The following DDX60L variants were observed in gnomAD, a reference collection of about 807,000 sequenced individuals.
DDX60L encodes the protein DExD/H-box 60 like.
DDX60L carries 191 observed loss-of-function variants against 211.6 expected under a neutral mutation model. That is an observed-to-expected ratio of 0.90 (90% CI 0.80 to 1.02). DDX60L has a LOEUF of 1.02. DDX60L is among the 50% of genes least tolerant of loss of function. The pLI is 0.00. For synonymous variants in DDX60L, 706 were observed against 694.1 expected (o/e 1.02, Z -0.27); for missense variants, 2,007 against 1,984.1 (o/e 1.01, Z -0.22).
intron 30 of DDX60L, among the ~76,000 whole-genome samples, chr4:168,382,967 C>T (rs1339138693): frequency 6.6e-6 from 1 of 152,196 alleles, no homozygotes; most frequent in Non-Finnish European, 1.5e-5. Flanking sequence ...AAGTCCTTGA[C>T]TTGCATTAAC....
Position 168,432,495 on chromosome 4 carries a change from G to A in DDX60L, c.1476C>T (p.Leu492=). Residue 492 remains leucine, a synonymous_variant, in exon 12 of 38, where the codon CTC becomes CTT. Transcript: ENST00000682922. ...DELLHWHAQR[L]LSDDYDRIKC... Reference sequence around the variant, plus strand: ...TGATCCTGTCATAGTCGTCACTAAGGAGTCTTTGAGCATGCCAGTGCAAAA... The same window carrying A: ...TGATCCTGTCATAGTCGTCACTAAGAAGTCTTTGAGCATGCCAGTGCAAAA... 6.3e-7 allele frequency: 1 copy of A among 1,582,000 alleles called. No homozygotes were observed. Among genetic ancestry groups the A allele is most frequent in the Non-Finnish European group, 8.6e-7 (1 of 1,161,714 alleles).
chr4:168,472,864 C>G (rs1758988352), intron 1 of DDX60L, 55 bp from the exon 2 acceptor site: 8 of 689,048 alleles, frequency 1.2e-5, no homozygotes, highest in Non-Finnish European at 1.9e-5. Flanking sequence ...AGAAATGGAC[C>G]CAAAAAATAT....
At chr4:168,394,019 C>T (rs1006966040) in intron 28 of DDX60L, among the ~76,000 whole-genome samples, 1 of 152,068 alleles carries the variant, frequency 6.6e-6, no homozygotes, top group South Asian at 2.1e-4. Context: ...ATGGTGAAAC[C>T]CTGTCTGTAA....
rs115979701 is a variant in DDX60L at position 168,406,364 on chromosome 4, T to A, written c.3084+238A>T. ...GTCCAAAAACACAATTAAAGTAGTA[T>A]GGTATCCCAAAAGCTAAAAGAAGAC... On this transcript the variant is annotated intron_variant, in intron 23 of 37. Coordinates refer to ENST00000682922, the MANE Select transcript of DDX60L (RefSeq NM_001012967.3). Among the ~76,000 whole-genome samples the A allele has an allele frequency of 8.4e-3, 1,272 of 152,290 alleles. 9 individuals carry two copies. The highest frequency in any genetic ancestry group is 0.013 in the Non-Finnish European group (899 of 68,028).
intron 35 of DDX60L, among the ~76,000 whole-genome samples, chr4:168,372,213 A>C (rs1175902148): frequency 1.3e-5 from 2 of 152,140 alleles, no homozygotes; most frequent in African/African-American, 2.4e-5. Context: ...GGGAGAATAA[A>C]ATGAAACAGC....
At chr4:168,430,426 G>A (rs1159255087) in intron 13 of DDX60L, 52 bp downstream of exon 13, 3 of 1,481,954 alleles carry the variant, frequency 2.0e-6, no homozygotes, top group Non-Finnish European at 2.7e-6. Flanking sequence ...TGAGCCTAAA[G>A]AAAACAAAAC....
At chr4:168,384,848 A>G in intron 29 of DDX60L, 36 bp from the exon 30 acceptor site, 1 of 1,571,826 alleles carries the variant, frequency 6.4e-7, no homozygotes, top group Non-Finnish European at 8.7e-7. Context: ...TAAAACCTCC[A>G]CAGATAATTA....
intron 16 of DDX60L, among the ~76,000 whole-genome samples, chr4:168,422,186 A>G (rs1459528099): frequency 6.6e-6 from 1 of 152,222 alleles, no homozygotes; most frequent in Non-Finnish European, 1.5e-5. Context: ...ACTGAGTAAA[A>G]CATATTTTTC....
chr4:168,420,965 T>C (rs181812080), intron 17 of DDX60L, among the ~76,000 whole-genome samples: 3 of 152,314 alleles, frequency 2.0e-5, no homozygotes, highest in African/African-American at 4.8e-5. Context: ...ACTATAATTA[T>C]ATAAAAAGAT....
intron 29 of DDX60L, chr4:168,390,494 C>A: frequency 7.2e-7 from 1 of 1,392,466 alleles, no homozygotes; most frequent in African/African-American, 1.5e-5. Flanking sequence ...TGTAAAATCA[C>A]AGTCTTCATA....
At chr4:168,433,390 T>C (rs1456837057) in intron 10 of DDX60L, among the ~76,000 whole-genome samples, 3 of 152,158 alleles carry the variant, frequency 2.0e-5, no homozygotes, top group Admixed American at 1.3e-4. Context: ...CAAGTACTTA[T>C]TCTTTTTTAT....
chr4:168,386,111 C>T (rs1385834299), intron 29 of DDX60L, among the ~76,000 whole-genome samples: 2 of 152,038 alleles, frequency 1.3e-5, no homozygotes, highest in East Asian at 1.9e-4. Context: ...ATGAAGGATT[C>T]AAACTTCTTC....
intron 5 of DDX60L, 30 bp from the exon 6 acceptor site, chr4:168,458,038 T>A (rs548243982): frequency 2.3e-6 from 3 of 1,300,976 alleles, no homozygotes; most frequent in South Asian, 1.5e-5. Context: ...ATATAAAATA[T>A]CTTAAATAAA....
Position 168,358,038 on chromosome 4 carries a change from T to C in DDX60L, c.*109A>G. 4 of 990,298 alleles carry C rather than the reference T, an allele frequency of 4.0e-6. No homozygotes were observed. The highest frequency in any genetic ancestry group is 1.5e-5 in the South Asian group (1 of 66,596). 61.3% of individuals were successfully genotyped at this position (990,298 alleles called of 1,614,324 possible). On this transcript the variant is annotated 3_prime_UTR_variant, in exon 38 of 38. Coordinates refer to ENST00000682922, the MANE Select transcript of DDX60L (RefSeq NM_001012967.3). ...GAGCTGATATCTGAGTTTAATTCTG[T>C]TTGACTCCAAGACAAACATTTTTTC... is the stretch of plus-strand genomic sequence containing the variant.
At chr4:168,400,198 A>T (rs992309194) in intron 26 of DDX60L, among the ~76,000 whole-genome samples, 2 of 152,142 alleles carry the variant, frequency 1.3e-5, no homozygotes, top group Non-Finnish European at 2.9e-5. Context: ...ACATAATCTC[A>T]TTCTTTTTTA....
Position 168,400,992 on chromosome 4 carries a change from A to G in DDX60L, c.3339-14T>C. 1 of 1,605,908 alleles carries G rather than the reference A, an allele frequency of 6.2e-7. No individual in the cohort carries two copies. ...TCATTCTTAAACCTTAAAACAAATG[A>G]AAACAGTGCTTTGAAAAGACTATGT... On this transcript the variant is annotated splice_polypyrimidine_tract_variant and intron_variant, in intron 25 of 37. Transcript: ENST00000682922.
chr4:168,363,335 A>G (rs1579155846), intron 36 of DDX60L, among the ~76,000 whole-genome samples: 1 of 152,214 alleles, frequency 6.6e-6, no homozygotes, highest in African/African-American at 2.4e-5. Context: ...AAATGAAAGA[A>G]TGATCATTAC....
Position 168,455,330 on chromosome 4 carries a change from G to C in DDX60L, c.837+709C>G, listed in dbSNP as rs78393635. Among the ~76,000 whole-genome samples, 476 of 149,984 alleles carry C rather than the reference G, an allele frequency of 3.2e-3. 2 individuals carry two copies. The highest frequency in any genetic ancestry group is 0.011 in the African/African-American group (455 of 40,456). On this transcript the variant is annotated intron_variant, in intron 7 of 37. Transcript: ENST00000682922. ...TATGCAAGCAGGGATGCATATAGTA[G>C]AGCGGAAAATCCATGTTCCTCAAAA...
At chr4:168,457,736 C>G (rs1027840392) in intron 6 of DDX60L, among the ~76,000 whole-genome samples, 156 bp downstream of exon 6, 1 of 152,144 alleles carries the variant, frequency 6.6e-6, no homozygotes, top group East Asian at 1.9e-4. Flanking sequence ...TCAAGGTACT[C>G]TGAGAGCATG....
Sources: gnomAD v4.1 joint callset for allele counts (sites outside exome capture counted in the v4.1 genomes callset) on GRCh38, gnomAD v4.1.1 for gene constraint, MANE v1.5 for transcripts, NCBI Gene and HGNC (gene_info 2026-07-23, HGNC 2026-07-21) for gene names.